STK32B: variants seen among roughly 807,000 people sequenced by gnomAD.
STK32B encodes serine/threonine-protein kinase 32B.
In STK32B, 43 loss-of-function variants were observed where a neutral mutation model predicts 52.6. That is an observed-to-expected ratio of 0.82 (90% confidence interval 0.64 to 1.05). STK32B has a LOEUF of 1.05. Among genes scored for constraint, STK32B ranks in the 50% least tolerant of loss-of-function variants. STK32B has a pLI of 0.00. For missense variants in STK32B, 621 were observed against 534.6 expected (o/e 1.16, Z -1.59); for synonymous variants, 238 against 204.3 (o/e 1.17, Z -1.41).
chr4:5,035,591 A>G, the STK32B span, among the ~76,000 whole-genome samples: 1 of 152,156 alleles, frequency 6.6e-6, no homozygotes, highest in Non-Finnish European at 1.5e-5. Flanking sequence ...TGTCAGAGTC[A>G]GGGATTAGGA....
At chr4:5,191,211 G>C (rs975334861) in intron 3 of STK32B, among the ~76,000 whole-genome samples, 3 of 151,806 alleles carry the variant, frequency 2.0e-5, no homozygotes, top group Non-Finnish European at 2.9e-5. Context: ...GGCTAATGGG[G>C]TTGAGTTTGT....
chr4:5,488,562 A>T (rs1719421544), intron 11 of STK32B, among the ~76,000 whole-genome samples: 1 of 152,148 alleles, frequency 6.6e-6, no homozygotes, highest in Non-Finnish European at 1.5e-5. Context: ...TTACTTTCAT[A>T]AATTTCCCTT....
intron 1 of STK32B, among the ~76,000 whole-genome samples, chr4:5,110,122 A>C (rs1359772035): frequency 6.6e-6 from 1 of 152,104 alleles, no homozygotes; most frequent in Non-Finnish European, 1.5e-5. Flanking sequence ...CAAATGGAAA[A>C]ACATCCTATG....
intron 2 of STK32B, among the ~76,000 whole-genome samples, chr4:5,153,643 C>T (rs1717556255): frequency 6.6e-6 from 1 of 152,028 alleles, no homozygotes; most frequent in Non-Finnish European, 1.5e-5. Context: ...AGAAACAAGG[C>T]AAAGATATGA....
the STK32B span, among the ~76,000 whole-genome samples, chr4:5,036,728 C>T: frequency 4.6e-5 from 6 of 129,722 alleles, no homozygotes; most frequent in African/African-American, 1.5e-4. Context: ...AGTGCCGTGG[C>T]GTGATCTTGG....
intron 1 of STK32B, among the ~76,000 whole-genome samples, chr4:5,091,316 G>A (rs926636251): frequency 6.6e-6 from 1 of 152,082 alleles, no homozygotes; most frequent in African/African-American, 2.4e-5. Flanking sequence ...GAGAAGTGAT[G>A]TAAAAATCAT....
chr4:5,080,479 A>G (rs181857865), intron 1 of STK32B, among the ~76,000 whole-genome samples: 32 of 152,138 alleles, frequency 2.1e-4, no homozygotes, highest in Admixed American at 5.9e-4. Context: ...CTTTTCTGAA[A>G]CGTCAGTTTC....
intron 4 of STK32B, among the ~76,000 whole-genome samples, chr4:5,374,392 A>G (rs1735447572): frequency 6.6e-6 from 1 of 152,252 alleles, no homozygotes; most frequent in African/African-American, 2.4e-5. Context: ...GACGCTTCAC[A>G]TCAGTCCCTT....
At chr4:5,440,541 C>T (rs1577502253) in intron 6 of STK32B, among the ~76,000 whole-genome samples, 2 of 152,190 alleles carry the variant, frequency 1.3e-5, no homozygotes, top group African/African-American at 4.8e-5. Flanking sequence ...ACAATCATGT[C>T]ATCTGCAAAC....
intron 3 of STK32B, among the ~76,000 whole-genome samples, chr4:5,274,207 A>C (rs1006386655): frequency 6.6e-6 from 1 of 152,228 alleles, no homozygotes; most frequent in Non-Finnish European, 1.5e-5. Context: ...ACAGAGTTAC[A>C]AAATTAACCA....
intron 1 of STK32B, among the ~76,000 whole-genome samples, chr4:5,105,357 A>G (rs1442583661): frequency 3.3e-5 from 5 of 152,154 alleles, no homozygotes; most frequent in Non-Finnish European, 7.3e-5. Context: ...ATGTTGAATA[A>G]CTTTTTATAT....
intron 4 of STK32B, among the ~76,000 whole-genome samples, chr4:5,373,747 A>T (rs1735400192): frequency 6.6e-6 from 1 of 152,160 alleles, no homozygotes; most frequent in African/African-American, 2.4e-5. Flanking sequence ...ATCTTGACTG[A>T]TGCAGTCTTC....
intron 3 of STK32B, among the ~76,000 whole-genome samples, chr4:5,245,299 TTCG>T (rs1433846852): frequency 6.6e-6 from 1 of 152,186 alleles, no homozygotes; most frequent in African/African-American, 2.4e-5. Context: ...TAGTTAGTTC[TTCG>T]TGTTGAATTG....
intron 2 of STK32B, among the ~76,000 whole-genome samples, chr4:5,148,159 CTA>C (rs1243980320): frequency 2.0e-5 from 3 of 151,730 alleles, no homozygotes; most frequent in South Asian, 2.1e-4. Context: ...TCAATTTTCT[CTA>C]TGTTGGCAAA....
At chr4:5,102,141 C>T (rs1713820696) in intron 1 of STK32B, among the ~76,000 whole-genome samples, 1 of 152,178 alleles carries the variant, frequency 6.6e-6, no homozygotes, top group African/African-American at 2.4e-5. Context: ...CCCTCATAGC[C>T]CTCTGACCTC....
chr4:5,440,080 G>A (rs550726627), intron 6 of STK32B, among the ~76,000 whole-genome samples: 1,664 of 151,800 alleles, frequency 0.011, 33 homozygotes, highest in African/African-American at 0.037. Flanking sequence ...TTGACTTGGC[G>A]ATGCGGGCTC....
At chr4:5,068,141 A>C (rs573980836) in intron 1 of STK32B, among the ~76,000 whole-genome samples, 2 of 152,202 alleles carry the variant, frequency 1.3e-5, no homozygotes, top group East Asian at 3.9e-4. Context: ...CATCCATTGA[A>C]AGTTAACTTT....
At chr4:5,455,243 G>A (rs1451926631) in intron 7 of STK32B, among the ~76,000 whole-genome samples, 6 of 152,232 alleles carry the variant, frequency 3.9e-5, no homozygotes, top group Admixed American at 3.9e-4. Context: ...GGCGCCTTCT[G>A]TCTGCAGCAG....
At chr4:5,288,334 G>A (rs113577616) in intron 3 of STK32B, among the ~76,000 whole-genome samples, 2 of 152,162 alleles carry the variant, frequency 1.3e-5, no homozygotes, top group African/African-American at 4.8e-5. Flanking sequence ...TGTTTTTACA[G>A]TGGTTAAACC....
Sources: gnomAD v4.1 joint callset for allele counts (sites outside exome capture counted in the v4.1 genomes callset) on GRCh38, gnomAD v4.1.1 for gene constraint, MANE v1.5 for transcripts, NCBI Gene and HGNC (gene_info 2026-07-23, HGNC 2026-07-21) for gene names.